The following PRKCH variants were observed in gnomAD, a reference collection of about 807,000 sequenced individuals.
PRKCH encodes the protein protein kinase C eta, also known as protein kinase C eta type.
In PRKCH, 28 loss-of-function variants were observed where a neutral mutation model predicts 82.5. The observed-to-expected ratio is 0.34, with a 90% CI of 0.25 to 0.47. PRKCH has a LOEUF of 0.47. Ranked by LOEUF, PRKCH falls within the 20% of genes least tolerant of loss-of-function variation. The probability of loss-of-function intolerance (pLI) is 1.00; values close to 1 mark genes in which losing one functional copy is unlikely to be tolerated. For missense variants in PRKCH, 705 were observed against 881.8 expected, an observed-to-expected ratio of 0.80 and a Z score of 2.54; for synonymous variants, 322 against 327.4, an observed-to-expected ratio of 0.98 and a Z score of 0.18.
Position 61,441,288 on chromosome 14 carries a change from C to T in PRKCH, c.428-1823C>T, listed in dbSNP as rs148090889. Among the ~76,000 whole-genome samples the T allele has an allele frequency of 1.7e-3, 265 of 152,128 alleles. 2 individuals carry two copies. Among genetic ancestry groups the T allele is most frequent in the African/African-American group, 6.3e-3 (260 of 41,494 alleles). On this transcript the variant is annotated intron_variant, in intron 2 of 13. Coordinates refer to ENST00000332981, the MANE Select transcript of PRKCH (RefSeq NM_006255.5). ...TACCTGATTCAGTCCTTGGGAAAAC[C>T]CTAGGAAGAAGGGGCCACCTGATTT...
intron 9 of PRKCH, among the ~76,000 whole-genome samples, chr14:61,461,131 G>A (rs1383781487): frequency 1.3e-5 from 2 of 152,124 alleles, no homozygotes; most frequent in Non-Finnish European, 2.9e-5. Context: ...GCTCTTGATG[G>A]CCCTGGAGCC....
intron 1 of PRKCH, chr14:61,298,702 G>A (rs755235978): frequency 2.6e-5 from 4 of 151,188 alleles, no homozygotes; most frequent in Non-Finnish European, 5.9e-5. Context: ...CTGAGAGTAA[G>A]AGGGTAGTTT....
chr14:61,226,558 G>A (rs929975122), intron 1 of PRKCH, among the ~76,000 whole-genome samples: 2 of 152,198 alleles, frequency 1.3e-5, no homozygotes, highest in African/African-American at 4.8e-5. Context: ...GGGCAACTGT[G>A]TCCTGCTCCT....
Position 61,322,037 on chromosome 14 carries a change from C to T in PRKCH, c.-65C>T. ...ACCTGTCCCGAGGGCTGGCCTGAGA[C>T]GGGACTCCCGGTTCTCCCGCTGCGA... On this transcript the variant is annotated 5_prime_UTR_variant, in exon 1 of 14. The change creates a new upstream start codon in the 5' untranslated region. Coordinates refer to ENST00000332981, the MANE Select transcript of PRKCH (RefSeq NM_006255.5). 1 of 1,464,674 alleles carries T rather than the reference C, an allele frequency of 6.8e-7. No homozygotes were observed. Among genetic ancestry groups the T allele is most frequent in the Non-Finnish European group, 9.1e-7 (1 of 1,100,930 alleles). 90.7% of individuals were successfully genotyped at this position (1,464,674 alleles called of 1,614,324 possible). A position where few individuals can be genotyped will look rare whatever the true frequency, so the allele number is the denominator to read the frequency against.
chr14:61,224,883 G>C (rs932826319), intron 1 of PRKCH, among the ~76,000 whole-genome samples: 2 of 152,126 alleles, frequency 1.3e-5, no homozygotes, highest in African/African-American at 4.8e-5. Context: ...AAATTGGCAG[G>C]GCCCTTAGGA....
At chr14:61,218,851 C>T (rs1199499597) in intron 1 of PRKCH, among the ~76,000 whole-genome samples, 1 of 152,186 alleles carries the variant, frequency 6.6e-6, no homozygotes, top group Non-Finnish European at 1.5e-5. Flanking sequence ...TAACCCGATG[C>T]TCTATAAAGA....
intron 1 of PRKCH, among the ~76,000 whole-genome samples, chr14:61,312,434 G>A (rs1216893411): frequency 6.6e-6 from 1 of 152,150 alleles, no homozygotes; most frequent in East Asian, 1.9e-4. Flanking sequence ...TATTGAGAAA[G>A]TCTACAATGG....
At chr14:61,389,199 T>C (rs1289055839) in intron 1 of PRKCH, among the ~76,000 whole-genome samples, 3 of 152,124 alleles carry the variant, frequency 2.0e-5, no homozygotes, top group Non-Finnish European at 4.4e-5. Context: ...AACATGCCTC[T>C]CTAAGCCAGG....
At chr14:61,535,249 A>G (rs2043092354) in intron 12 of PRKCH, among the ~76,000 whole-genome samples, 1 of 152,228 alleles carries the variant, frequency 6.6e-6, no homozygotes, top group Non-Finnish European at 1.5e-5. Context: ...AGTGAGGCAA[A>G]CATGATCCTG....
chr14:61,212,376 A>G (rs536796944), intron 1 of PRKCH, among the ~76,000 whole-genome samples: 2 of 152,302 alleles, frequency 1.3e-5, no homozygotes, highest in Admixed American at 6.5e-5. Context: ...ATTTTCAGAG[A>G]TTTGTCACTC....
intron 1 of PRKCH, among the ~76,000 whole-genome samples, chr14:61,272,542 C>T (rs1221401993): frequency 1.3e-5 from 2 of 151,518 alleles, no homozygotes; most frequent in African/African-American, 2.4e-5. Context: ...TTAGTAGAGA[C>T]GGGGTTTCAC....
intron 1 of PRKCH, among the ~76,000 whole-genome samples, chr14:61,325,905 G>A (rs1363651121): frequency 6.6e-6 from 1 of 152,114 alleles, no homozygotes; most frequent in Non-Finnish European, 1.5e-5. Flanking sequence ...AAACCAAAAT[G>A]AGATCTCAGT....
intron 1 of PRKCH, among the ~76,000 whole-genome samples, chr14:61,351,662 G>T (rs1241106674): frequency 2.0e-5 from 3 of 152,174 alleles, no homozygotes; most frequent in Non-Finnish European, 4.4e-5. Flanking sequence ...TGGTTTTCCA[G>T]TTGGTATCAT....
At chr14:61,306,184 A>G (rs951366488) in intron 1 of PRKCH, 2 of 152,156 alleles carry the variant, frequency 1.3e-5, no homozygotes, top group African/African-American at 2.4e-5. Flanking sequence ...AGGTCTCTCC[A>G]TTTAGGCTGG....
At chr14:61,405,089 T>C (rs1881866914) in intron 2 of PRKCH, among the ~76,000 whole-genome samples, 1 of 152,242 alleles carries the variant, frequency 6.6e-6, no homozygotes, top group African/African-American at 2.4e-5. Context: ...CTTGATGTAT[T>C]TTGCTAATGC....
chr14:61,297,222 C>T (rs544210191), intron 1 of PRKCH, among the ~76,000 whole-genome samples: 1 of 152,252 alleles, frequency 6.6e-6, no homozygotes, highest in Admixed American at 6.5e-5. Context: ...TGGTTTCAAT[C>T]AGGGTAGAAA....
At chr14:61,352,640 AAAAG>A (rs200488966) in intron 1 of PRKCH, among the ~76,000 whole-genome samples, 50 of 147,544 alleles carry the variant, frequency 3.4e-4, no homozygotes, top group Admixed American at 1.1e-3. Flanking sequence ...ACTCCATCTC[AAAAG>A]AAAGAAAGAA....
intron 4 of PRKCH, among the ~76,000 whole-genome samples, chr14:61,446,055 T>C (rs1406000766): frequency 6.6e-6 from 1 of 152,238 alleles, no homozygotes; most frequent in Admixed American, 6.5e-5. Context: ...AACTTTTGTT[T>C]TTTACAATCC....
At chr14:61,250,463 T>C (rs1232473721) in intron 1 of PRKCH, among the ~76,000 whole-genome samples, 2 of 152,080 alleles carry the variant, frequency 1.3e-5, no homozygotes, top group Non-Finnish European at 2.9e-5. Flanking sequence ...TAAATGCGTT[T>C]TACTGAGTGA....
Sources: allele counts gnomAD v4.1 joint callset (sites outside exome capture counted in the v4.1 genomes callset), GRCh38; gene constraint gnomAD v4.1.1; transcripts MANE v1.5; gene names NCBI Gene and HGNC (gene_info 2026-07-23, HGNC 2026-07-21).